Variants in METTL15 observed in about 807,000 individuals in gnomAD.
METTL15 encodes the protein 12S rRNA N(4)-cytidine methyltransferase METTL15.
A neutral mutation model predicts 38.3 loss-of-function variants in METTL15; 34 were observed. The observed-to-expected ratio is 0.89, with a 90% CI of 0.68 to 1.18. METTL15 has a LOEUF of 1.18. METTL15 is among the 50% of genes most tolerant of loss of function. METTL15 has a pLI of 0.00. For missense variants in METTL15, 438 were observed against 498.4 expected, an observed-to-expected ratio of 0.88 and a Z score of 1.15; for synonymous variants, 162 against 170.9, an observed-to-expected ratio of 0.95 and a Z score of 0.41.
intron 4 of METTL15, among the ~76,000 whole-genome samples, chr11:28,359,773 T>A (rs187269859): frequency 1.3e-5 from 2 of 152,298 alleles, no homozygotes; most frequent in Non-Finnish European, 2.9e-5. Flanking sequence ...TGCCGAAGTA[T>A]GTTTTCTGTA....
At chr11:28,221,816 C>T (rs1055429199) in intron 4 of METTL15, among the ~76,000 whole-genome samples, 6 of 152,174 alleles carry the variant, frequency 3.9e-5, no homozygotes, top group African/African-American at 1.2e-4. Flanking sequence ...GCTGGAGGTC[C>T]ACTCCAGACC....
chr11:28,109,808 C>G (rs1445067903), intron 1 of METTL15, among the ~76,000 whole-genome samples: 1 of 152,216 alleles, frequency 6.6e-6, no homozygotes, highest in Non-Finnish European at 1.5e-5. Flanking sequence ...TTCAGTGTTA[C>G]ACTTGCCATT....
intron 6 of METTL15, among the ~76,000 whole-genome samples, chr11:28,306,561 TCTTTA>T (rs369913671): frequency 9.9e-5 from 15 of 152,194 alleles, no homozygotes; most frequent in African/African-American, 3.1e-4. Context: ...TAACATGTTC[TCTTTA>T]CTTCACCCAA....
At chr11:28,268,279 A>G (rs2133952362) in intron 4 of METTL15, among the ~76,000 whole-genome samples, 1 of 151,754 alleles carries the variant, frequency 6.6e-6, no homozygotes, top group African/African-American at 2.4e-5. Context: ...TAGAATTTAA[A>G]TATTTTTACA....
intron 3 of METTL15, among the ~76,000 whole-genome samples, chr11:28,183,681 C>A (rs1305035465): frequency 6.6e-6 from 1 of 151,786 alleles, no homozygotes; most frequent in Non-Finnish European, 1.5e-5. Flanking sequence ...TGAGGATTTT[C>A]GCATTGAAGT....
intron 4 of METTL15, among the ~76,000 whole-genome samples, chr11:28,222,487 C>T (rs990708603): frequency 6.6e-6 from 1 of 152,336 alleles, no homozygotes; most frequent in Admixed American, 6.5e-5. Flanking sequence ...AATTCCCTGA[C>T]CCCTTGCACT....
chr11:28,424,688 G>GGA (rs1850849477), intron 6 of METTL15, among the ~76,000 whole-genome samples: 1 of 152,130 alleles, frequency 6.6e-6, no homozygotes, highest in Non-Finnish European at 1.5e-5. Context: ...TTTAGTGTTG[G>GGA]GAGAGAGCCA....
chr11:28,370,013 G>C (rs775179570), intron 5 of METTL15, among the ~76,000 whole-genome samples: 29 of 152,030 alleles, frequency 1.9e-4, no homozygotes, highest in Non-Finnish European at 2.9e-4. Context: ...AATTTATAAA[G>C]ATCAAATCAG....
chr11:28,446,518 G>A (rs750717941), intron 6 of METTL15, among the ~76,000 whole-genome samples: 11 of 151,786 alleles, frequency 7.2e-5, no homozygotes, highest in Non-Finnish European at 1.5e-4. Flanking sequence ...TTGCCCTCAG[G>A]TTTCTTTTCT....
At chr11:28,442,423 C>A (rs1220773332) in intron 6 of METTL15, among the ~76,000 whole-genome samples, 1 of 149,910 alleles carries the variant, frequency 6.7e-6, no homozygotes, top group African/African-American at 2.4e-5. Context: ...TTTTTTTTTT[C>A]CTGATCATTA....
At chr11:28,197,516 C>A (rs1265547187) in intron 3 of METTL15, 1 of 446,962 alleles carries the variant, frequency 2.2e-6, no homozygotes, top group Non-Finnish European at 4.7e-6. Flanking sequence ...GTATTTATTT[C>A]CATTTACACA....
At chr11:28,218,222 C>T (rs1378282518) in intron 4 of METTL15, among the ~76,000 whole-genome samples, 1 of 152,118 alleles carries the variant, frequency 6.6e-6, no homozygotes, top group Non-Finnish European at 1.5e-5. Context: ...TTTGTATCCT[C>T]TTTTATTTCC....
chr11:28,382,937 A>T (rs148910347), intron 5 of METTL15, among the ~76,000 whole-genome samples: 1 of 147,564 alleles, frequency 6.8e-6, no homozygotes, highest in East Asian at 2.0e-4. Flanking sequence ...GAATTCTGGG[A>T]TATTGGTGAT....
At chr11:28,114,746 C>T (rs767240249) in intron 3 of METTL15, among the ~76,000 whole-genome samples, 2 of 152,106 alleles carry the variant, frequency 1.3e-5, no homozygotes, top group East Asian at 1.9e-4. Flanking sequence ...CCACCATGCC[C>T]GGCCTTGTAC....
chr11:28,211,128 A>G lies in METTL15; in HGVS notation c.337A>G (p.Ile113Val). Residue 113 changes from isoleucine (I) to valine (V), a missense_variant, in exon 4 of 7, where the codon ATT (isoleucine) becomes GTT (valine). Coordinates refer to ENST00000407364, the MANE Select transcript of METTL15 (RefSeq NM_001113528.2). ...AGCCATTCTGCAGAAGGAGTCAGAT[A>G]TTGTTCTCTATGCCTTGGACAGAGA... is the stretch of plus-strand genomic sequence containing the variant. ...TKAILQKESD[I>V]VLYALDRDPT... is the part of the protein sequence containing the mutation. The G allele has an allele frequency of 6.2e-7, 1 of 1,612,870 alleles. No individual in the cohort carries two copies. The highest frequency in any genetic ancestry group is 8.5e-7 in the Non-Finnish European group (1 of 1,179,206).
intron 4 of METTL15, among the ~76,000 whole-genome samples, chr11:28,360,689 GGGTACATGTGGACAATGTACCGGTTA>G (rs1469028411): frequency 1.6e-4 from 24 of 151,966 alleles, no homozygotes; most frequent in Middle Eastern, 3.4e-3. Flanking sequence ...TCAAGTTTTA[GGGTACATGTGGACAATGTACCGGTTA>G]GTTACATATG....
At chr11:28,134,050 C>T (rs964921532) in intron 3 of METTL15, among the ~76,000 whole-genome samples, 2 of 152,128 alleles carry the variant, frequency 1.3e-5, no homozygotes, top group Non-Finnish European at 2.9e-5. Context: ...AGCTTGTGAG[C>T]TCAGATTCAA....
At chr11:28,260,526 C>G (rs1364379628) in intron 4 of METTL15, among the ~76,000 whole-genome samples, 1 of 152,156 alleles carries the variant, frequency 6.6e-6, no homozygotes, top group African/African-American at 2.4e-5. Flanking sequence ...TACTTCTTCC[C>G]TCTGTTTTCT....
At chr11:28,456,140 G>A (rs1217555813) in intron 6 of METTL15, among the ~76,000 whole-genome samples, 1 of 151,978 alleles carries the variant, frequency 6.6e-6, no homozygotes, top group East Asian at 1.9e-4. Context: ...TGAGGAGCTG[G>A]GACTACAGGT....
Sources: allele counts gnomAD v4.1 joint callset (sites outside exome capture counted in the v4.1 genomes callset), GRCh38; gene constraint gnomAD v4.1.1; transcripts MANE v1.5; gene names NCBI Gene and HGNC (gene_info 2026-07-23, HGNC 2026-07-21).